TNN: variants seen among roughly 807,000 people sequenced by gnomAD.
The protein encoded by TNN is tenascin-N.
A neutral mutation model predicts 134.4 loss-of-function variants in TNN; 122 were observed. The ratio of observed to expected loss-of-function variants is 0.91; its 90% CI spans 0.78 to 1.06. The LOEUF (loss-of-function observed/expected upper bound fraction) is 1.06. Ranked by LOEUF, TNN falls within the 50% of genes least tolerant of loss-of-function variation. TNN has a pLI of 0.00. For synonymous variants in TNN, 710 were observed against 670.3 expected, an observed-to-expected ratio of 1.06 and a Z score of -0.91; for missense variants, 1,739 against 1,699.4, an observed-to-expected ratio of 1.02 and a Z score of -0.41.
chr1:175,101,506 G>A (rs1466314819), intron 9 of TNN, among the ~76,000 whole-genome samples: 9 of 149,440 alleles, frequency 6.0e-5, no homozygotes, highest in African/African-American at 2.2e-4. Context: ...ATGCTGGCTC[G>A]GGCAGCCTGC....
chr1:175,072,086 G>A (rs1673927764), intron 1 of TNN, among the ~76,000 whole-genome samples: 1 of 152,236 alleles, frequency 6.6e-6, no homozygotes, highest in Non-Finnish European at 1.5e-5. Context: ...CAGATACCAA[G>A]AGAGAACACA....
In TNN at chr1:175,079,341, C is replaced by A. The variant is rs1374908504; in HGVS notation, c.418C>A (p.Arg140Ser). Residue 140 changes from arginine (R) to serine (S), a missense_variant, in exon 3 of 19, where the codon CGC (arginine) becomes AGC (serine). Physicochemically the swap from Arg to Ser is moderately radical, Grantham distance 110. Coordinates refer to ENST00000239462, the MANE Select transcript of TNN (RefSeq NM_022093.2). ...RCCQGVTDLS[R>S]HCSGHGTFSL... ...TCTCCTCTCCCTCCCAGATCTAAGC[C>A]GCCACTGCAGCGGCCACGGGACCTT... is the stretch of plus-strand genomic sequence containing the variant. The A allele has an allele frequency of 6.3e-7, 1 of 1,592,680 alleles. No individual in the cohort carries two copies. The highest frequency in any genetic ancestry group is 8.5e-7 in the Non-Finnish European group (1 of 1,175,550).
At chr1:175,094,593 G>A (rs1168004423) in intron 7 of TNN, among the ~76,000 whole-genome samples, 1 of 152,204 alleles carries the variant, frequency 6.6e-6, no homozygotes, top group Non-Finnish European at 1.5e-5. Context: ...GCTTATCTCA[G>A]TTTGCAGTGG....
At chr1:175,142,540 C>T (rs1675965308) in intron 17 of TNN, among the ~76,000 whole-genome samples, 1 of 152,178 alleles carries the variant, frequency 6.6e-6, no homozygotes, top group African/African-American at 2.4e-5. Context: ...CTTGTCAAGG[C>T]ATAGGTTGCC....
At chr1:175,133,778 C>T (rs1558373253) in intron 15 of TNN, among the ~76,000 whole-genome samples, 1 of 152,212 alleles carries the variant, frequency 6.6e-6, no homozygotes, top group East Asian at 1.9e-4. Context: ...AGCGACTGAA[C>T]AAACACAGTG....
chr1:175,121,277 C>T (rs917602988), intron 11 of TNN, among the ~76,000 whole-genome samples: 11 of 151,992 alleles, frequency 7.2e-5, no homozygotes, highest in Non-Finnish European at 1.2e-4. Flanking sequence ...TGGATTTTGG[C>T]AAAAACTAGC....
chr1:175,136,790 T>C, intron 16 of TNN, 31 bp from the exon 17 acceptor site: 1 of 1,605,900 alleles, frequency 6.2e-7, no homozygotes, highest in Middle Eastern at 1.7e-4. Context: ...ATGGGTTGAT[T>C]GATTATTGGA....
intron 7 of TNN, among the ~76,000 whole-genome samples, chr1:175,095,130 T>C (rs1674540172): frequency 6.6e-6 from 1 of 152,202 alleles, no homozygotes; most frequent in Non-Finnish European, 1.5e-5. Context: ...AGAATGTTAA[T>C]CAGTATTTGG....
At chr1:175,112,377 A>G (rs1558362698) in intron 9 of TNN, among the ~76,000 whole-genome samples, 1 of 151,942 alleles carries the variant, frequency 6.6e-6, no homozygotes, top group Non-Finnish European at 1.5e-5. Flanking sequence ...TTTTCTTTAC[A>G]TAATAACCTC....
At chr1:175,126,861 G>A in intron 12 of TNN, 94 bp from the exon 13 acceptor site, 2 of 1,396,710 alleles carry the variant, frequency 1.4e-6, no homozygotes. Flanking sequence ...AAATGGGAGG[G>A]TTTGAAAAGG....
intron 6 of TNN, among the ~76,000 whole-genome samples, chr1:175,086,950 C>T (rs565431252): frequency 4.9e-4 from 75 of 152,252 alleles, no homozygotes; most frequent in African/African-American, 1.8e-3. Context: ...GTTCTCACAG[C>T]AATCCAATGA....
chr1:175,089,345 G>T (rs1050494667), intron 6 of TNN, among the ~76,000 whole-genome samples: 2 of 152,188 alleles, frequency 1.3e-5, no homozygotes, highest in Admixed American at 6.5e-5. Flanking sequence ...CAGGGAAATG[G>T]TTGACTGAAA....
At position 175,117,020 on chromosome 1, in the gene TNN, C is replaced by T. The variant is rs267598181; in HGVS notation, c.2201C>T (p.Thr734Ile). Reference protein sequence around the residue: ...ATVSWDPVRATIDRYVVRYTS... With the variant: ...ATVSWDPVRAIIDRYVVRYTS... ...GTCTCCTGGGACCCGGTGCGGGCCA[C>T]CATTGACAGGTATGTGGTGCGCTAC... is the stretch of plus-strand genomic sequence containing the variant. Residue 734 changes from threonine to isoleucine, a missense_variant, in exon 10 of 19, where the codon ACC (threonine) becomes ATC (isoleucine). Transcript: ENST00000239462. The T allele has an allele frequency of 6.2e-7, 1 of 1,614,194 alleles. No individual in the cohort carries two copies.
At chr1:175,097,378 T>A in intron 7 of TNN, 39 bp from the exon 8 acceptor site, 2 of 1,610,456 alleles carry the variant, frequency 1.2e-6, no homozygotes. Flanking sequence ...AATTAGAGGG[T>A]GGTAAAGGCT....
At chr1:175,103,245 G>A (rs1233273474) in intron 9 of TNN, among the ~76,000 whole-genome samples, 3 of 146,374 alleles carry the variant, frequency 2.0e-5, no homozygotes, top group Admixed American at 6.8e-5. Flanking sequence ...TTTGAAAGGC[G>A]TTGTCTGATT....
At chr1:175,124,360 A>T (rs1222244973) in intron 12 of TNN, among the ~76,000 whole-genome samples, 2 of 152,214 alleles carry the variant, frequency 1.3e-5, no homozygotes. Context: ...TTCAAACTAA[A>T]TAGAGACGTG....
intron 1 of TNN, 85 bp from the exon 2 acceptor site, chr1:175,077,299 T>G: frequency 9.6e-7 from 1 of 1,044,662 alleles, no homozygotes; most frequent in Admixed American, 2.3e-5. Context: ...CCCAGCTTCC[T>G]TGGGCTCTTA....
At chr1:175,093,934 A>T in intron 6 of TNN, 56 bp from the exon 7 acceptor site, 1 of 1,550,930 alleles carries the variant, frequency 6.4e-7, no homozygotes, top group African/African-American at 1.4e-5. Context: ...ACAATCTATG[A>T]TCTTGACTAA....
At chr1:175,069,197 C>T (rs1673863661) in intron 1 of TNN, among the ~76,000 whole-genome samples, 1 of 152,140 alleles carries the variant, frequency 6.6e-6, no homozygotes, top group Non-Finnish European at 1.5e-5. Context: ...TGAGGTGTCA[C>T]CAAGGCATCA....
Sources: gnomAD v4.1 joint callset for allele counts (sites outside exome capture counted in the v4.1 genomes callset) on GRCh38, gnomAD v4.1.1 for gene constraint, MANE v1.5 for transcripts, NCBI Gene and HGNC (gene_info 2026-07-23, HGNC 2026-07-21) for gene names.